CDH12: variants seen among roughly 807,000 people sequenced by gnomAD.
CDH12 encodes cadherin-12.
Under a neutral mutation model 74.1 loss-of-function variants are expected in CDH12, and 41 were observed. The observed-to-expected ratio is 0.55, with a 90% CI of 0.43 to 0.72. CDH12 has a LOEUF of 0.72. Ranked by LOEUF, CDH12 falls within the 30% of genes least tolerant of loss-of-function variation. CDH12 has a pLI of 0.00. For missense variants in CDH12, 945 were observed against 977.2 expected, an observed-to-expected ratio of 0.97 and a Z score of 0.44; for synonymous variants, 399 against 355.0, an observed-to-expected ratio of 1.12 and a Z score of -1.39.
At chr5:22,562,453 T>TTTGCC (rs1302254107) in intron 1 of CDH12, among the ~76,000 whole-genome samples, 1 of 152,196 alleles carries the variant, frequency 6.6e-6, no homozygotes. Context: ...CTAAAAATCA[T>TTTGCC]TTGCCTTTGT....
intron 4 of CDH12, among the ~76,000 whole-genome samples, chr5:22,177,648 C>T (rs949570796): frequency 3.9e-5 from 6 of 152,022 alleles, no homozygotes; most frequent in South Asian, 2.1e-4. Flanking sequence ...GGCTGGATCA[C>T]GGCCATGGGG....
At position 22,755,653 on chromosome 5, in the gene CDH12, C is replaced by G. The variant is rs1745857224; in HGVS notation, c.-523+97405G>C. Among the ~76,000 whole-genome samples, 4 of 152,220 alleles carry G rather than the reference C, an allele frequency of 2.6e-5. No homozygotes were observed. In the South Asian group the frequency reaches 8.3e-4, roughly 32 times the overall value. On this transcript the variant is annotated intron_variant, in intron 1 of 14. Transcript: ENST00000382254. ...ATTTACTTAAGGACAATGTTGACAT[C>G]TTTCTTCTCTTGTGTTAAGCTGGTG...
At chr5:22,383,326 T>C (rs1741850263) in intron 3 of CDH12, among the ~76,000 whole-genome samples, 1 of 152,150 alleles carries the variant, frequency 6.6e-6, no homozygotes. Flanking sequence ...GTAAGTCCAA[T>C]GGGCTACATA....
At chr5:21,925,992 G>T (rs190314583) in intron 6 of CDH12, among the ~76,000 whole-genome samples, 30 of 151,920 alleles carry the variant, frequency 2.0e-4, no homozygotes, top group African/African-American at 6.0e-4. Flanking sequence ...ATCTGAAGAA[G>T]TTTTAAATTA....
intron 11 of CDH12, among the ~76,000 whole-genome samples, chr5:21,773,570 A>T (rs929391132): frequency 6.6e-6 from 1 of 152,136 alleles, no homozygotes; most frequent in Non-Finnish European, 1.5e-5. Context: ...CACAGACTGA[A>T]CGCTGCAACT....
At chr5:22,439,117 C>T (rs780083787) in intron 2 of CDH12, among the ~76,000 whole-genome samples, 1 of 151,672 alleles carries the variant, frequency 6.6e-6, no homozygotes, top group Non-Finnish European at 1.5e-5. Context: ...GGAAATAATA[C>T]AAAACTTGCA....
intron 6 of CDH12, 120 bp from the exon 7 acceptor site, chr5:21,854,910 A>G: frequency 1.4e-6 from 1 of 709,676 alleles, no homozygotes. Flanking sequence ...CACCATGAGT[A>G]CATGATGTCA....
At chr5:22,148,622 T>G (rs1747362752) in intron 4 of CDH12, among the ~76,000 whole-genome samples, 1 of 152,046 alleles carries the variant, frequency 6.6e-6, no homozygotes, top group South Asian at 2.1e-4. Flanking sequence ...AGCAGCAGAG[T>G]TGGTTCCTTC....
chr5:22,696,844 G>C (rs1435945142), intron 1 of CDH12, among the ~76,000 whole-genome samples: 1 of 151,968 alleles, frequency 6.6e-6, no homozygotes, highest in Non-Finnish European at 1.5e-5. Flanking sequence ...ATATTGCAAG[G>C]CTGGGATGCC....
chr5:21,753,833 T>C (rs1477673419), intron 14 of CDH12, among the ~76,000 whole-genome samples: 2 of 152,298 alleles, frequency 1.3e-5, no homozygotes, highest in African/African-American at 2.4e-5. Context: ...CTACAGTGTA[T>C]GACGGCCAGA....
intron 1 of CDH12, among the ~76,000 whole-genome samples, chr5:22,585,296 C>T (rs1209945147): frequency 6.6e-6 from 1 of 152,154 alleles, no homozygotes; most frequent in East Asian, 1.9e-4. Context: ...TGAAGAAACT[C>T]TCTTTTCTTG....
At chr5:22,391,472 G>A (rs769847183) in intron 3 of CDH12, among the ~76,000 whole-genome samples, 2 of 152,016 alleles carry the variant, frequency 1.3e-5, no homozygotes, top group Admixed American at 1.3e-4. Flanking sequence ...GAGGCCATAT[G>A]CAACTACTTC....
At chr5:22,512,949 G>A (rs1736672884) in intron 1 of CDH12, among the ~76,000 whole-genome samples, 1 of 152,042 alleles carries the variant, frequency 6.6e-6, no homozygotes, top group African/African-American at 2.4e-5. Flanking sequence ...GGTAACCCAG[G>A]AGGGTTGAAC....
chr5:22,243,885 A>G (rs1237130200), intron 3 of CDH12, among the ~76,000 whole-genome samples: 1 of 152,190 alleles, frequency 6.6e-6, no homozygotes, highest in African/African-American at 2.4e-5. Context: ...ACGAACACAT[A>G]TTTATCAAGA....
chr5:21,845,872 G>T (rs529592680), intron 7 of CDH12, among the ~76,000 whole-genome samples: 1 of 152,006 alleles, frequency 6.6e-6, no homozygotes, highest in Non-Finnish European at 1.5e-5. Flanking sequence ...AAAAAGCAGC[G>T]CCAAATTATT....
At chr5:22,675,014 G>A (rs539447191) in intron 1 of CDH12, among the ~76,000 whole-genome samples, 1 of 152,294 alleles carries the variant, frequency 6.6e-6, no homozygotes, top group African/African-American at 2.4e-5. Context: ...CATTTTCTGA[G>A]GAGAAATTCA....
At chr5:21,788,817 A>G (rs920173671) in intron 10 of CDH12, among the ~76,000 whole-genome samples, 3 of 152,028 alleles carry the variant, frequency 2.0e-5, no homozygotes, top group African/African-American at 7.2e-5. Context: ...TACAGTCATC[A>G]GTTTTTATTC....
intron 1 of CDH12, among the ~76,000 whole-genome samples, chr5:22,803,835 C>T (rs1748652968): frequency 6.6e-6 from 1 of 152,078 alleles, no homozygotes; most frequent in African/African-American, 2.4e-5. Flanking sequence ...ATCGTGACAT[C>T]AAAACCCAAT....
chr5:21,797,206 TGATGATGAA>T (rs1408773555), intron 10 of CDH12, among the ~76,000 whole-genome samples: 3 of 151,552 alleles, frequency 2.0e-5, no homozygotes, highest in Non-Finnish European at 4.4e-5. Context: ...ATGATGATGA[TGATGATGAA>T]GATGATGAAG....
Sources: allele counts gnomAD v4.1 joint callset (sites outside exome capture counted in the v4.1 genomes callset), GRCh38; gene constraint gnomAD v4.1.1; transcripts MANE v1.5; gene names NCBI Gene and HGNC (gene_info 2026-07-23, HGNC 2026-07-21).